The following LIMS1 variants were observed in gnomAD, a reference collection of about 807,000 sequenced individuals.
LIMS1 encodes LIM zinc finger domain containing 1.
A neutral mutation model predicts 44.1 loss-of-function variants in LIMS1; 18 were observed. The ratio of observed to expected loss-of-function variants is 0.41; its 90% CI spans 0.28 to 0.61. The LOEUF is 0.61. Ranked by LOEUF, LIMS1 falls within the 20% of genes least tolerant of loss-of-function variation. The pLI is 0.32. For missense variants in LIMS1, 201 were observed against 422.0 expected (o/e 0.48, Z 4.59); for synonymous variants, 93 against 149.1 (o/e 0.62, Z 2.74).
intron 1 of LIMS1, among the ~76,000 whole-genome samples, chr2:108,632,437 T>G (rs1688984108): frequency 6.6e-6 from 1 of 152,198 alleles, no homozygotes; most frequent in Admixed American, 6.5e-5. Context: ...TGATGCTGCA[T>G]AGGATGTAGG....
At chr2:108,626,802 C>G (rs1688601158) in intron 1 of LIMS1, among the ~76,000 whole-genome samples, 1 of 152,134 alleles carries the variant, frequency 6.6e-6, no homozygotes, top group Non-Finnish European at 1.5e-5. Context: ...GAGTATAGAT[C>G]ATGATTATTT....
chr2:108,677,625 G>T, intron 7 of LIMS1: 1 of 255,402 alleles, frequency 3.9e-6, no homozygotes, highest in Middle Eastern at 1.3e-3. Flanking sequence ...CACTTCTCCA[G>T]CCCCATGCCC....
intron 1 of LIMS1, among the ~76,000 whole-genome samples, chr2:108,616,407 C>T (rs975285819): frequency 6.6e-6 from 1 of 152,024 alleles, no homozygotes; most frequent in African/African-American, 2.4e-5. Context: ...GATAAGGTCT[C>T]ACTGTGTTGC....
chr2:108,605,292 TC>T (rs2104734122), intron 1 of LIMS1, among the ~76,000 whole-genome samples: 1 of 152,228 alleles, frequency 6.6e-6, no homozygotes, highest in East Asian at 1.9e-4. Context: ...GGGACAGACT[TC>T]CCCTGCTGGG....
intron 5 of LIMS1, among the ~76,000 whole-genome samples, chr2:108,674,547 C>A (rs1322078181): frequency 6.6e-6 from 1 of 150,758 alleles, no homozygotes; most frequent in Non-Finnish European, 1.5e-5. Flanking sequence ...ATGGTGAAAC[C>A]CCATCTCTAC....
In LIMS1 at chr2:108,612,035, CACACACACACACACACACATAT is replaced by C. The variant is rs1350764519; in HGVS notation, c.33-47568_33-47547del. ...ATATATATACACACACATATACACA[CACACACACACACACACACATAT>C]ATATATATATATACATATATATATG... is the stretch of plus-strand genomic sequence containing the variant. On this transcript the variant is annotated intron_variant, in intron 1 of 9. Coordinates refer to ENST00000544547, the Ensembl canonical transcript of LIMS1. Among the ~76,000 whole-genome samples the C allele has an allele frequency of 7.7e-4, 64 of 83,658 alleles. 1 individual carries two copies. Among genetic ancestry groups the C allele is most frequent in the Middle Eastern group, 5.1e-3 (1 of 198 alleles). 54.9% of individuals were successfully genotyped at this position (83,658 alleles called of 152,430 possible). A position where few individuals can be genotyped will look rare whatever the true frequency, so the allele number is the denominator to read the frequency against.
chr2:108,598,739 T>C (rs1472231308), intron 1 of LIMS1, among the ~76,000 whole-genome samples: 2 of 152,332 alleles, frequency 1.3e-5, no homozygotes, highest in East Asian at 3.9e-4. Context: ...AACGTAGCCC[T>C]GGTCTTTCAA....
chr2:108,578,954 A>AT (rs1250340886), intron 1 of LIMS1, among the ~76,000 whole-genome samples: 15 of 152,096 alleles, frequency 9.9e-5, no homozygotes, highest in Admixed American at 3.9e-4. Flanking sequence ...TAGGGATATC[A>AT]TTTTTTTGTT....
chr2:108,541,464 T>C (rs1573292924), intron 1 of LIMS1, among the ~76,000 whole-genome samples: 1 of 152,236 alleles, frequency 6.6e-6, no homozygotes, highest in Admixed American at 6.5e-5. Context: ...GCAGGTACAG[T>C]GCAGGTGCAC....
chr2:108,584,828 G>T (rs774169139), intron 1 of LIMS1, among the ~76,000 whole-genome samples: 7 of 152,024 alleles, frequency 4.6e-5, no homozygotes, highest in Non-Finnish European at 7.4e-5. Context: ...GGCAGGAAGT[G>T]TCCAGGGATG....
chr2:108,596,935 T>G (rs1164671295), intron 1 of LIMS1, among the ~76,000 whole-genome samples: 1 of 144,866 alleles, frequency 6.9e-6, no homozygotes, highest in Non-Finnish European at 1.5e-5. Flanking sequence ...TTTTTTTTTT[T>G]TTTGAGTCTT....
At chr2:108,580,312 T>C (rs1685837770) in intron 1 of LIMS1, among the ~76,000 whole-genome samples, 1 of 152,162 alleles carries the variant, frequency 6.6e-6, no homozygotes, top group Non-Finnish European at 1.5e-5. Flanking sequence ...CTGATTAACT[T>C]AGTTCAAGTC....
rs1263070679 is a variant in LIMS1, at chr2:108,665,580, G to A, written c.193-5201G>A. ...TTCGCTCTGTCGCCCAGGCTGGAGT[G>A]CAGTGGTGTGATCTTGGCTCACTGC... On this transcript the variant is annotated intron_variant, in intron 2 of 9. Transcript: ENST00000544547. 1.2e-4 allele frequency among the ~76,000 whole-genome samples: 18 copies of A among 152,028 alleles called. 1 individual carries two copies. The highest frequency in any genetic ancestry group is 8.5e-4 in the Admixed American group (13 of 15,270).
intron 1 of LIMS1, chr2:108,588,571 T>G (rs1686214804): frequency 4.1e-6 from 4 of 985,302 alleles, no homozygotes; most frequent in Middle Eastern, 5.2e-4. Context: ...GGAGTGGAAG[T>G]TTGAGAGAAG....
chr2:108,536,224 T>A (rs887525876), intron 1 of LIMS1, among the ~76,000 whole-genome samples: 13 of 152,354 alleles, frequency 8.5e-5, no homozygotes, highest in African/African-American at 3.1e-4. Flanking sequence ...GAGTAATAAG[T>A]TCATTCAAAT....
At chr2:108,572,207 T>G (rs1011296805) in intron 1 of LIMS1, among the ~76,000 whole-genome samples, 9 of 152,146 alleles carry the variant, frequency 5.9e-5, no homozygotes, top group Non-Finnish European at 1.2e-4. Context: ...TGTTGTGTCT[T>G]ACTGTTCTCT....
intron 8 of LIMS1, among the ~76,000 whole-genome samples, chr2:108,680,404 G>C (rs1692889231): frequency 7.7e-6 from 1 of 129,214 alleles, no homozygotes; most frequent in Non-Finnish European, 1.8e-5. Flanking sequence ...AGGTGTAGTG[G>C]CATGCACCTG....
At chr2:108,597,959 TG>T (rs1231681968) in intron 1 of LIMS1, among the ~76,000 whole-genome samples, 2 of 152,030 alleles carry the variant, frequency 1.3e-5, no homozygotes, top group Non-Finnish European at 2.9e-5. Flanking sequence ...CCCAAAGTGG[TG>T]GGATTACAGG....
chr2:108,587,878 G>C (rs12469750), intron 1 of LIMS1, among the ~76,000 whole-genome samples: 62,742 of 151,990 alleles, frequency 0.41, 14,881 homozygotes, highest in East Asian at 0.94. Flanking sequence ...GGCAGCCAGA[G>C]CCTGGCGTGC....
Sources: allele counts gnomAD v4.1 joint callset (sites outside exome capture counted in the v4.1 genomes callset), GRCh38; gene constraint gnomAD v4.1.1; transcripts MANE v1.5; gene names NCBI Gene and HGNC (gene_info 2026-07-23, HGNC 2026-07-21).